KIF11: variants seen among roughly 807,000 people sequenced by gnomAD.
KIF11 encodes the protein kinesin family member 11, also known as kinesin-like protein KIF11.
Under a neutral mutation model 121.0 loss-of-function variants are expected in KIF11, and 9 were observed. The ratio of observed to expected loss-of-function variants is 0.07; its 90% confidence interval spans 0.04 to 0.13. KIF11 has a LOEUF of 0.13. Among genes scored for constraint, KIF11 ranks in the 10% least tolerant of loss-of-function variants. The probability of loss-of-function intolerance (pLI) is 1.00; values close to 1 mark genes in which losing one functional copy is unlikely to be tolerated. For synonymous variants in KIF11, 408 were observed against 421.0 expected, an observed-to-expected ratio of 0.97 and a Z score of 0.38; for missense variants, 846 against 1,217.5, an observed-to-expected ratio of 0.69 and a Z score of 4.54.
intron 10 of KIF11, among the ~76,000 whole-genome samples, chr10:92,622,117 AAC>A (rs1844623732): frequency 6.6e-6 from 1 of 151,898 alleles, no homozygotes; most frequent in African/African-American, 2.4e-5. Flanking sequence ...CACTACTAAA[AAC>A]ACAAAATTAC....
intron 1 of KIF11, among the ~76,000 whole-genome samples, chr10:92,604,392 A>G (rs888860778): frequency 5.9e-5 from 9 of 152,184 alleles, no homozygotes; most frequent in African/African-American, 1.9e-4. Context: ...CTAATTGGAA[A>G]AGCTTTAGCC....
chr10:92,617,970 C>T (rs1844576770), intron 9 of KIF11, among the ~76,000 whole-genome samples: 1 of 152,102 alleles, frequency 6.6e-6, no homozygotes, highest in Non-Finnish European at 1.5e-5. Context: ...GAACTCCTGA[C>T]CTCGTAATCT....
chr10:92,627,052 G>A (rs565252686), intron 10 of KIF11, among the ~76,000 whole-genome samples: 47 of 152,252 alleles, frequency 3.1e-4, no homozygotes, highest in Non-Finnish European at 4.6e-4. Context: ...GTGAGCCACC[G>A]CGCCTGGCTG....
chr10:92,597,621 CT>C (rs924732371), intron 1 of KIF11, among the ~76,000 whole-genome samples: 6 of 149,190 alleles, frequency 4.0e-5, no homozygotes, highest in African/African-American at 1.0e-4. Flanking sequence ...AAGATAAAGT[CT>C]TTTTTTTTCC....
At chr10:92,612,023 G>A (rs932988452) in intron 6 of KIF11, among the ~76,000 whole-genome samples, 1 of 152,058 alleles carries the variant, frequency 6.6e-6, no homozygotes, top group East Asian at 1.9e-4. Context: ...TTCACCAAAT[G>A]CCATTGGATA....
At chr10:92,637,597 T>G in intron 16 of KIF11, 52 bp downstream of exon 16, 1 of 1,492,854 alleles carries the variant, frequency 6.7e-7, no homozygotes, top group South Asian at 1.3e-5. Context: ...TTAGGATGAT[T>G]TGATATGACT....
intron 9 of KIF11, among the ~76,000 whole-genome samples, chr10:92,620,841 T>A (rs543279432): frequency 5.9e-5 from 9 of 152,338 alleles, no homozygotes; most frequent in Admixed American, 3.9e-4. Flanking sequence ...GATCCGCCCC[T>A]ACGATTCAGT....
At chr10:92,614,076 GA>G (rs1220314906) in intron 8 of KIF11, among the ~76,000 whole-genome samples, 2 of 132,104 alleles carry the variant, frequency 1.5e-5, no homozygotes, top group South Asian at 2.2e-4. Context: ...ATATAGTAGG[GA>G]AAAAAAGTTC....
rs58045955 is a variant in KIF11, at chr10:92,612,795, G to T, written c.699-245G>T. 0.13 allele frequency among the ~76,000 whole-genome samples: 19,439 copies of T among 152,026 alleles called. 3,303 individuals carry two copies. Among genetic ancestry groups the T allele is most frequent in the African/African-American group, 0.39 (16,156 of 41,336 alleles). On this transcript the variant is annotated intron_variant, in intron 6 of 21. Transcript: ENST00000260731. ...CATCCAGCTTTCAGAGGTGCCTCAG[G>T]ATTCTAAGTCTTTTAGAGAGCTTCT... is the stretch of plus-strand genomic sequence containing the variant.
Position 92,609,121 on chromosome 10 carries a change from C to A in KIF11, c.489C>A (p.Ile163=). 1 of 1,607,026 alleles carries A rather than the reference C, an allele frequency of 6.2e-7. No individual in the cohort carries two copies. The change falls in exon 5 of 22, where the codon ATC becomes ATA. Residue 163 remains isoleucine, a synonymous_variant. Transcript: ENST00000260731. Reference sequence around the variant, plus strand: ...CAGTCAAAGTGTCTCTGTTGGAGATCTATAATGAAGAGCTTTTTGATCTTC... The same window carrying A: ...CAGTCAAAGTGTCTCTGTTGGAGATATATAATGAAGAGCTTTTTGATCTTC... ...EFSVKVSLLE[I]YNEELFDLLN...
At chr10:92,601,862 C>G (rs75659988) in intron 1 of KIF11, among the ~76,000 whole-genome samples, 2 of 151,978 alleles carry the variant, frequency 1.3e-5, no homozygotes, top group Non-Finnish European at 2.9e-5. Context: ...TTTAGAGGAA[C>G]ATTCTTCAGT....
rs41290172 is a variant in KIF11, at chr10:92,653,938, C to A, written c.*142C>A. The A allele has an allele frequency of 2.8e-5, 17 of 613,478 alleles. No individual in the cohort carries two copies. The highest frequency in any genetic ancestry group is 4.5e-5 in the Non-Finnish European group (17 of 379,202). The allele number at this position is 613,478 out of a possible 1,614,324, so 38.0% of individuals were successfully genotyped here. On this transcript the variant is annotated 3_prime_UTR_variant, in exon 22 of 22. Transcript: ENST00000260731. Reference sequence around the variant, plus strand: ...GTGGCTCATGCCTGTAATCCCAGCACTTTGGGAGGCTGAGGCGGGTGGATT... The same window carrying A: ...GTGGCTCATGCCTGTAATCCCAGCAATTTGGGAGGCTGAGGCGGGTGGATT...
Position 92,609,447 on chromosome 10 carries a change from A to T in KIF11, c.636A>T (p.Gln212His). 6.2e-7 allele frequency: 1 copy of T among 1,613,914 alleles called. No homozygotes were observed. Among genetic ancestry groups the T allele is most frequent in the Non-Finnish European group, 8.5e-7 (1 of 1,179,956 alleles). ...TACACAACAAGGATGAAGTCTATCAAATTTTAGAAAAGGGGGCAGCAAAAA... is the reference window on the plus strand; with the variant it reads ...TACACAACAAGGATGAAGTCTATCATATTTTAGAAAAGGGGGCAGCAAAAA... ...ITVHNKDEVYQILEKGAAKRT... is the reference protein window; with the variant it reads ...ITVHNKDEVYHILEKGAAKRT... Residue 212 changes from glutamine to histidine, a missense_variant, in exon 6 of 22, where the codon CAA becomes CAT. Transcript: ENST00000260731.
At chr10:92,634,734 G>A (rs1844779364) in intron 14 of KIF11, among the ~76,000 whole-genome samples, 1 of 152,186 alleles carries the variant, frequency 6.6e-6, no homozygotes, top group Non-Finnish European at 1.5e-5. Flanking sequence ...TGACTAAAGG[G>A]CAAGTTTAGC....
At chr10:92,596,041 G>A (rs973382184) in intron 1 of KIF11, among the ~76,000 whole-genome samples, 9 of 152,074 alleles carry the variant, frequency 5.9e-5, no homozygotes, top group African/African-American at 2.2e-4. Context: ...TCGCTCTGTT[G>A]CCCAGGCTGG....
chr10:92,653,092 A>C (rs1427784099), intron 21 of KIF11, among the ~76,000 whole-genome samples: 2 of 152,244 alleles, frequency 1.3e-5, no homozygotes, highest in Non-Finnish European at 2.9e-5. Flanking sequence ...AAGTGTTTTT[A>C]AGGTGGCCCA....
chr10:92,604,054 C>T (rs1379248213), intron 1 of KIF11, among the ~76,000 whole-genome samples: 1 of 152,146 alleles, frequency 6.6e-6, no homozygotes, highest in East Asian at 1.9e-4. Context: ...CTCAATCTCC[C>T]TTCCCTCACC....
chr10:92,616,083 C>T lies in KIF11; in HGVS notation c.1033-654C>T, dbSNP rs1044325382. ...CGAACTCTTGACCTCATGATTCACC[C>T]GCCCCGGCCTTCCAAAGTGCTGGGA... On this transcript the variant is annotated intron_variant, in intron 8 of 21. Transcript: ENST00000260731. Among the ~76,000 whole-genome samples, 8 of 152,120 alleles carry T rather than the reference C, an allele frequency of 5.3e-5. No individual in the cohort carries two copies. In the East Asian group the frequency reaches 5.8e-4, roughly 11 times the overall value.
At chr10:92,640,737 G>GT (rs1412104186) in intron 17 of KIF11, among the ~76,000 whole-genome samples, 1 of 151,822 alleles carries the variant, frequency 6.6e-6, no homozygotes, top group Non-Finnish European at 1.5e-5. Flanking sequence ...GCTCTGTTTT[G>GT]TTTTTTCAGA....
Sources: gnomAD v4.1 joint callset for allele counts (sites outside exome capture counted in the v4.1 genomes callset) on GRCh38, gnomAD v4.1.1 for gene constraint, MANE v1.5 for transcripts, NCBI Gene and HGNC (gene_info 2026-07-23, HGNC 2026-07-21) for gene names.